Variants in BUB1B observed in about 807,000 individuals in gnomAD.
BUB1B encodes mitotic checkpoint serine/threonine-protein kinase BUB1 beta.
BUB1B carries 86 observed loss-of-function variants against 137.7 expected under a neutral mutation model. That is an observed-to-expected ratio of 0.62 (90% CI 0.52 to 0.75). BUB1B has a LOEUF of 0.75. Ranked by LOEUF, BUB1B falls within the 30% of genes least tolerant of loss-of-function variation. The probability of loss-of-function intolerance (pLI) is 0.00; values close to 1 mark genes in which losing one functional copy is unlikely to be tolerated. For synonymous variants in BUB1B, 420 were observed against 417.9 expected, an observed-to-expected ratio of 1.00 and a Z score of -0.06; for missense variants, 1,130 against 1,236.9, an observed-to-expected ratio of 0.91 and a Z score of 1.30.
At chr15:40,166,865 A>G (rs1044628785) in intron 2 of BUB1B, among the ~76,000 whole-genome samples, 2 of 151,940 alleles carry the variant, frequency 1.3e-5, no homozygotes, top group Non-Finnish European at 2.9e-5. Context: ...ATTACTTTGC[A>G]TTTCCCTGGT....
chr15:40,217,621 T>C lies in BUB1B; in HGVS notation c.2804T>C (p.Ile935Thr). 1 of 1,614,186 alleles carries C rather than the reference T, an allele frequency of 6.2e-7. No homozygotes were observed. The highest frequency in any genetic ancestry group is 8.5e-7 in the Non-Finnish European group (1 of 1,180,030). The change falls in exon 21 of 23, where the codon ATC becomes ACC. Residue 935 changes from isoleucine (I) to threonine (T), a missense_variant. Coordinates refer to ENST00000287598, the MANE Select transcript of BUB1B (RefSeq NM_001211.6). ...CTCAGCGGCTTTCGGACTGTACAGA[T>C]CCTGGAAGGACAAAAGATCCTGGCT... ...FTLSGFRTVQ[I>T]LEGQKILANC...
At chr15:40,220,312 A>G (rs2037880050) in intron 22 of BUB1B, among the ~76,000 whole-genome samples, 1 of 152,106 alleles carries the variant, frequency 6.6e-6, no homozygotes, top group Admixed American at 6.5e-5. Context: ...TACACAGAGG[A>G]AATTTATAGA....
At chr15:40,181,485 G>A (rs2037293322) in intron 5 of BUB1B, among the ~76,000 whole-genome samples, 2 of 127,170 alleles carry the variant, frequency 1.6e-5, no homozygotes, top group African/African-American at 2.6e-5. Context: ...GTTTTCAGCC[G>A]TTATTTTTAA....
intron 4 of BUB1B, among the ~76,000 whole-genome samples, 190 bp from the exon 5 acceptor site, chr15:40,176,287 A>G (rs2037222287): frequency 6.6e-6 from 1 of 152,040 alleles, no homozygotes; most frequent in South Asian, 2.1e-4. Context: ...TTTACTCTCC[A>G]ACTCTTCTTA....
intron 18 of BUB1B, 121 bp from the exon 19 acceptor site, chr15:40,212,378 T>C (rs531905987): frequency 2.6e-6 from 2 of 762,628 alleles, no homozygotes; most frequent in East Asian, 2.5e-5. Context: ...AGTAGATTTA[T>C]GCCTTTAAAA....
At chr15:40,175,509 A>G (rs2037214169) in intron 4 of BUB1B, among the ~76,000 whole-genome samples, 1 of 152,236 alleles carries the variant, frequency 6.6e-6, no homozygotes, top group African/African-American at 2.4e-5. Context: ...TCAAAACTTT[A>G]TAAGATAATA....
At chr15:40,186,602 G>A (rs2037365329) in intron 8 of BUB1B, among the ~76,000 whole-genome samples, 2 of 150,776 alleles carry the variant, frequency 1.3e-5, no homozygotes, top group East Asian at 1.9e-4. Flanking sequence ...CTGCCACCAC[G>A]CCCAGCTAAT....
At chr15:40,203,414 G>A (rs942668574) in intron 14 of BUB1B, among the ~76,000 whole-genome samples, 1 of 152,142 alleles carries the variant, frequency 6.6e-6, no homozygotes, top group Non-Finnish European at 1.5e-5. Flanking sequence ...CTGCTAATGG[G>A]TATAGGGTTT....
chr15:40,198,998 A>C (rs537947297), intron 9 of BUB1B, among the ~76,000 whole-genome samples: 2 of 152,238 alleles, frequency 1.3e-5, no homozygotes, highest in East Asian at 3.9e-4. Context: ...TCACCCTCTT[A>C]CTATGCTGCA....
At position 40,200,350 on chromosome 15, in the gene BUB1B, G is replaced by A. The variant is rs765632100; in HGVS notation, c.1508G>A (p.Cys503Tyr). ...TCCAGTTCTGTTTGTCAAGTAAACT[G>A]TTGTGCCAGGTAAGACTACATAGGT... ...TLSSSVCQVNCCARETSLAEN... is the reference protein window; with the variant it reads ...TLSSSVCQVNYCARETSLAEN... Residue 503 changes from cysteine (C) to tyrosine (Y), a missense_variant, in exon 11 of 23, where the codon TGT (cysteine) becomes TAT (tyrosine). By Grantham distance (194) the Cys-to-Tyr change is radical (BLOSUM62 -2). Coordinates refer to ENST00000287598, the MANE Select transcript of BUB1B (RefSeq NM_001211.6). The A allele has an allele frequency of 1.9e-6, 3 of 1,612,986 alleles. No individual in the cohort carries two copies. The highest frequency in any genetic ancestry group is 2.5e-6 in the Non-Finnish European group (3 of 1,179,048).
chr15:40,202,175 G>A (rs954170514), intron 12 of BUB1B, among the ~76,000 whole-genome samples: 4 of 152,136 alleles, frequency 2.6e-5, no homozygotes, highest in Admixed American at 2.0e-4. Context: ...GTTGGGTTGG[G>A]TTTGGGGAGT....
In BUB1B at chr15:40,209,544, AT is replaced by A. The variant is rs142625505; in HGVS notation, c.2144-81del. The A allele has an allele frequency of 0.017, 24,311 of 1,418,640 alleles. 2,721 individuals carry two copies. The African/African-American group carries it at 0.28, about 16-fold the overall frequency. 87.9% of individuals were successfully genotyped at this position (1,418,640 alleles called of 1,614,324 possible). ...TAACAGTGCTGACTGTGTAATCTTG[AT>A]TTTTTTTTTCTTCTACTCTGTTATA... On this transcript the variant is annotated intron_variant, in intron 16 of 22. Transcript: ENST00000287598.
In BUB1B at chr15:40,208,733, A is replaced by C; in HGVS notation, c.2106A>C (p.Gln702His). The C allele has an allele frequency of 6.2e-7, 1 of 1,613,584 alleles. No individual in the cohort carries two copies. The highest frequency in any genetic ancestry group is 8.5e-7 in the Non-Finnish European group (1 of 1,179,480). Residue 702 changes from glutamine to histidine, a missense_variant, in exon 16 of 23, where the codon CAA becomes CAC. Coordinates refer to ENST00000287598, the MANE Select transcript of BUB1B (RefSeq NM_001211.6). ...GCACCTCCTCCATCAAATGTCTTCA[A>C]ATTCCTGAGAAACTAGAACTTACTA... The part of the protein sequence containing the change: ...VASTSSIKCL[Q>H]IPEKLELTNE...
intron 5 of BUB1B, among the ~76,000 whole-genome samples, chr15:40,183,401 C>G (rs968742462): frequency 6.6e-6 from 1 of 152,180 alleles, no homozygotes; most frequent in Non-Finnish European, 1.5e-5. Flanking sequence ...AAACTCTAAT[C>G]TTAATAAACT....
Position 40,220,849 on chromosome 15 carries a change from G to A in BUB1B, c.*90G>A. On this transcript the variant is annotated 3_prime_UTR_variant, in exon 23 of 23. Coordinates refer to ENST00000287598, the MANE Select transcript of BUB1B (RefSeq NM_001211.6). ...CTGTATGTGCTGTAATTTAATTTAG[G>A]ACACATTTAGATGCACTACCATTGC... The A allele has an allele frequency of 1.5e-6, 2 of 1,369,084 alleles. No individual in the cohort carries two copies. Among genetic ancestry groups the A allele is most frequent in the Non-Finnish European group, 2.1e-6 (2 of 962,422 alleles). 84.8% of individuals were successfully genotyped at this position (1,369,084 alleles called of 1,614,324 possible).
chr15:40,182,317 G>T (rs2037304681), intron 5 of BUB1B, among the ~76,000 whole-genome samples: 1 of 152,118 alleles, frequency 6.6e-6, no homozygotes, highest in South Asian at 2.1e-4. Context: ...AGTTCTTTGT[G>T]TGTCAAGTAA....
At chr15:40,207,719 A>G (rs754168478) in intron 15 of BUB1B, among the ~76,000 whole-genome samples, 25 of 151,874 alleles carry the variant, frequency 1.6e-4, no homozygotes, top group Non-Finnish European at 3.5e-4. Context: ...CTAGATTCTG[A>G]TTTGGGGAAA....
At chr15:40,199,449 G>T (rs904382634) in intron 9 of BUB1B, among the ~76,000 whole-genome samples, 166 bp from the exon 10 acceptor site, 2 of 152,124 alleles carry the variant, frequency 1.3e-5, no homozygotes, top group Admixed American at 6.5e-5. Context: ...TTTATTGAAT[G>T]GATAAAGAAT....
intron 8 of BUB1B, among the ~76,000 whole-genome samples, chr15:40,193,289 C>T (rs186209609): frequency 6.9e-4 from 105 of 152,228 alleles, no homozygotes; most frequent in African/African-American, 2.4e-3. Flanking sequence ...TCAATGAGAG[C>T]TTCTATTGTT....
Sources: gnomAD v4.1 joint callset for allele counts (sites outside exome capture counted in the v4.1 genomes callset) on GRCh38, gnomAD v4.1.1 for gene constraint, MANE v1.5 for transcripts, NCBI Gene and HGNC (gene_info 2026-07-23, HGNC 2026-07-21) for gene names.